CCSER1: variants seen among roughly 807,000 people sequenced by gnomAD.
CCSER1 encodes the protein coiled-coil serine rich protein 1.
In CCSER1, 41 loss-of-function variants were observed where a neutral mutation model predicts 82.0. The observed-to-expected ratio is 0.50, with a 90% confidence interval of 0.39 to 0.65. The LOEUF (loss-of-function observed/expected upper bound fraction) is 0.65, where lower values mean the gene tolerates loss of function less well. CCSER1 is among the 30% of genes least tolerant of loss of function. CCSER1 has a pLI of 0.00. For synonymous variants in CCSER1, 414 were observed against 383.9 expected (o/e 1.08, Z -0.92); for missense variants, 1,119 against 1,064.2 (o/e 1.05, Z -0.72).
intron 7 of CCSER1, among the ~76,000 whole-genome samples, chr4:90,809,792 C>T (rs749062405): frequency 1.3e-5 from 2 of 151,516 alleles, no homozygotes; most frequent in East Asian, 1.9e-4. Flanking sequence ...CTTGGGAGGC[C>T]GAGGCAGGAA....
At chr4:91,281,071 A>G (rs2149202450) in intron 10 of CCSER1, among the ~76,000 whole-genome samples, 1 of 152,256 alleles carries the variant, frequency 6.6e-6, no homozygotes, top group Admixed American at 6.5e-5. Context: ...CTAGAATTGC[A>G]GAAATCCACC....
chr4:91,583,229 G>T, intron 10 of CCSER1, among the ~76,000 whole-genome samples: 1 of 150,784 alleles, frequency 6.6e-6, no homozygotes. Context: ...TTTTCTATTT[G>T]AACATATTCA....
intron 9 of CCSER1, among the ~76,000 whole-genome samples, chr4:90,940,262 T>C (rs1731435959): frequency 6.6e-6 from 1 of 152,026 alleles, no homozygotes; most frequent in African/African-American, 2.4e-5. Flanking sequence ...CAAAACATTA[T>C]TTTTCTTCCC....
intron 4 of CCSER1, among the ~76,000 whole-genome samples, chr4:90,438,223 A>G (rs979029914): frequency 1.3e-5 from 2 of 152,220 alleles, no homozygotes; most frequent in Non-Finnish European, 2.9e-5. Flanking sequence ...CAACTTTAGA[A>G]GTATAAATCT....
intron 1 of CCSER1, among the ~76,000 whole-genome samples, chr4:90,172,083 T>C (rs556319033): frequency 6.6e-6 from 1 of 152,014 alleles, no homozygotes; most frequent in African/African-American, 2.4e-5. Flanking sequence ...TTTTTCTCTC[T>C]GGGTGAAAAG....
chr4:91,238,112 C>T (rs1253420902), intron 10 of CCSER1, among the ~76,000 whole-genome samples: 2 of 152,068 alleles, frequency 1.3e-5, no homozygotes, highest in Admixed American at 1.3e-4. Context: ...TTAGTGTCAA[C>T]AGGATTTCAC....
At chr4:90,322,776 CAGA>C (rs1322124490) in intron 3 of CCSER1, among the ~76,000 whole-genome samples, 1 of 152,154 alleles carries the variant, frequency 6.6e-6, no homozygotes, top group Non-Finnish European at 1.5e-5. Flanking sequence ...TTCCCCTAAA[CAGA>C]AGGAGACTCT....
chr4:91,513,403 G>T (rs963214188), intron 10 of CCSER1, among the ~76,000 whole-genome samples: 1 of 152,018 alleles, frequency 6.6e-6, no homozygotes. Context: ...TGTTCAGCAG[G>T]GATATTAGCC....
intron 9 of CCSER1, among the ~76,000 whole-genome samples, chr4:91,084,331 G>C (rs746060705): frequency 6.6e-6 from 1 of 152,116 alleles, no homozygotes; most frequent in African/African-American, 2.4e-5. Context: ...GGGATATGCT[G>C]TGCCTGGCCC....
intron 5 of CCSER1, among the ~76,000 whole-genome samples, chr4:90,479,331 C>A (rs1765553664): frequency 6.6e-6 from 1 of 151,870 alleles, no homozygotes. Context: ...TTTCATGCTT[C>A]TGTTCTACTT....
intron 10 of CCSER1, among the ~76,000 whole-genome samples, chr4:91,155,263 C>T (rs1032742921): frequency 6.6e-6 from 1 of 151,792 alleles, no homozygotes. Flanking sequence ...CCATGCTGTT[C>T]TTGTGATACT....
intron 3 of CCSER1, among the ~76,000 whole-genome samples, chr4:90,314,345 G>A (rs889207440): frequency 6.6e-6 from 1 of 151,970 alleles, no homozygotes; most frequent in Non-Finnish European, 1.5e-5. Context: ...ATGTTAAAGC[G>A]GATTTCCAAT....
chr4:91,247,219 A>G (rs925707683), intron 10 of CCSER1, among the ~76,000 whole-genome samples: 2 of 151,248 alleles, frequency 1.3e-5, no homozygotes, highest in South Asian at 2.1e-4. Context: ...GGAGAATGGC[A>G]TGAACCCGGG....
At chr4:91,051,898 T>C (rs1297900481) in intron 9 of CCSER1, among the ~76,000 whole-genome samples, 1 of 152,118 alleles carries the variant, frequency 6.6e-6, no homozygotes, top group East Asian at 1.9e-4. Flanking sequence ...AGCAGTAATA[T>C]CTTATCATTC....
chr4:91,002,276 T>G (rs1738102848), intron 9 of CCSER1, among the ~76,000 whole-genome samples: 1 of 152,210 alleles, frequency 6.6e-6, no homozygotes, highest in Non-Finnish European at 1.5e-5. Context: ...TCTTTGTGCT[T>G]CTTGTATTTG....
chr4:90,969,879 A>G (rs530227451), intron 9 of CCSER1, among the ~76,000 whole-genome samples: 56 of 151,868 alleles, frequency 3.7e-4, no homozygotes, highest in Admixed American at 1.4e-3. Context: ...TAATATGTTG[A>G]AAGTTATACA....
intron 9 of CCSER1, among the ~76,000 whole-genome samples, chr4:91,007,221 G>T (rs1738596409): frequency 6.6e-6 from 1 of 152,054 alleles, no homozygotes; most frequent in Non-Finnish European, 1.5e-5. Context: ...TTGCATCTGT[G>T]TTCATCAGAA....
intron 6 of CCSER1, chr4:90,663,873 A>G (rs1323217003): frequency 2.7e-6 from 1 of 369,616 alleles, no homozygotes; most frequent in South Asian, 2.1e-5. Context: ...AGTGTTTCCA[A>G]TTCTACAAAT....
intron 1 of CCSER1, among the ~76,000 whole-genome samples, chr4:90,247,499 T>C (rs1406538948): frequency 6.6e-6 from 1 of 152,210 alleles, no homozygotes; most frequent in Admixed American, 6.5e-5. Context: ...CCATCAGATT[T>C]TATTTTAAAG....
Sources: gnomAD v4.1 joint callset for allele counts (sites outside exome capture counted in the v4.1 genomes callset) on GRCh38, gnomAD v4.1.1 for gene constraint, MANE v1.5 for transcripts, NCBI Gene and HGNC (gene_info 2026-07-23, HGNC 2026-07-21) for gene names.